BRINP3: variants seen among roughly 807,000 people sequenced by gnomAD.
BRINP3 encodes BMP/retinoic acid-inducible neural-specific protein 3.
Under a neutral mutation model 71.0 loss-of-function variants are expected in BRINP3, and 19 were observed. The ratio of observed to expected loss-of-function variants is 0.27; its 90% CI spans 0.19 to 0.39. The LOEUF (loss-of-function observed/expected upper bound fraction) is 0.39, where lower values mean the gene tolerates loss of function less well. BRINP3 is among the 10% of genes least tolerant of loss of function. The pLI is 1.00. For missense variants in BRINP3, 959 were observed against 940.8 expected (o/e 1.02, Z -0.25); for synonymous variants, 380 against 337.7 (o/e 1.13, Z -1.37).
intron 2 of BRINP3, among the ~76,000 whole-genome samples, chr1:190,369,796 A>T (rs1669743625): frequency 6.6e-6 from 1 of 152,180 alleles, no homozygotes; most frequent in Admixed American, 6.5e-5. Flanking sequence ...CATAATGGTC[A>T]GATCTAAATT....
chr1:190,121,880 G>A (rs1653695502), intron 7 of BRINP3, among the ~76,000 whole-genome samples: 1 of 152,068 alleles, frequency 6.6e-6, no homozygotes, highest in Non-Finnish European at 1.5e-5. Flanking sequence ...AATGCAAGAG[G>A]AATTTTAAAA....
chr1:190,471,777 A>C (rs1312485478), intron 1 of BRINP3, among the ~76,000 whole-genome samples: 1 of 151,496 alleles, frequency 6.6e-6, no homozygotes, highest in Non-Finnish European at 1.5e-5. Context: ...CTATTAAATA[A>C]CAATGAGAAA....
At chr1:190,475,871 G>T (rs1316086054) in intron 1 of BRINP3, 2 of 150,084 alleles carry the variant, frequency 1.3e-5, no homozygotes, top group African/African-American at 2.5e-5. Flanking sequence ...CCACCCTTGC[G>T]CAACAACAGC....
Position 190,258,927 on chromosome 1 carries a change from C to G in BRINP3, c.618+5938G>C, listed in dbSNP as rs1054430122. ...GCCAAAGTTGGAGGATCTCTTAAGC[C>G]CCTTAAGTTCTTGAAACTGAACTCA... On this transcript the variant is annotated intron_variant, in intron 4 of 7. Transcript: ENST00000367462. Among the ~76,000 whole-genome samples the G allele has an allele frequency of 3.9e-5, 6 of 151,914 alleles. No individual in the cohort carries two copies. In the East Asian group the frequency reaches 1.2e-3, roughly 29 times the overall value.
intron 7 of BRINP3, among the ~76,000 whole-genome samples, chr1:190,113,112 T>C (rs548282930): frequency 6.6e-6 from 1 of 152,264 alleles, no homozygotes; most frequent in South Asian, 2.1e-4. Flanking sequence ...TTTGAATATG[T>C]ACAAATATTA....
intron 5 of BRINP3, among the ~76,000 whole-genome samples, chr1:190,233,742 G>C (rs1019877255): frequency 6.6e-6 from 1 of 152,076 alleles, no homozygotes; most frequent in Non-Finnish European, 1.5e-5. Context: ...ACCTGTTCCT[G>C]CCTATAAGAA....
At chr1:190,371,670 T>A (rs528533010) in intron 2 of BRINP3, among the ~76,000 whole-genome samples, 9 of 152,220 alleles carry the variant, frequency 5.9e-5, no homozygotes, top group Non-Finnish European at 1.3e-4. Context: ...TGGTTCCATA[T>A]TAATTTTAGG....
chr1:190,259,996 C>T (rs1364117239), intron 4 of BRINP3, among the ~76,000 whole-genome samples: 1 of 149,432 alleles, frequency 6.7e-6, no homozygotes. Context: ...CCACTGCACT[C>T]CAGCCTGGGC....
At chr1:190,404,130 C>A (rs1672113111) in intron 2 of BRINP3, among the ~76,000 whole-genome samples, 1 of 152,102 alleles carries the variant, frequency 6.6e-6, no homozygotes, top group Admixed American at 6.5e-5. Context: ...GAAAATCATG[C>A]TCTTTAAGTC....
At chr1:190,285,080 G>A (rs148304414) in intron 2 of BRINP3, among the ~76,000 whole-genome samples, 2 of 152,036 alleles carry the variant, frequency 1.3e-5, no homozygotes, top group African/African-American at 4.8e-5. Context: ...GGTTTGTACT[G>A]TCGTGAAATA....
chr1:190,114,198 G>A (rs564511642), intron 7 of BRINP3, among the ~76,000 whole-genome samples: 18 of 152,160 alleles, frequency 1.2e-4, no homozygotes, highest in Admixed American at 8.5e-4. Context: ...TCCTGCTTTC[G>A]CCATGTGGCA....
Position 190,264,122 on chromosome 1 carries a change from T to G in BRINP3, c.618+743A>C, listed in dbSNP as rs1331465921. 2.0e-5 allele frequency among the ~76,000 whole-genome samples: 3 copies of G among 152,198 alleles called. No individual in the cohort carries two copies. In the South Asian group the frequency reaches 6.2e-4, roughly 32 times the overall value. ...GACAAATGAAATTACATTGACCTAA[T>G]TTGCCAGAGAATATGTCTAAAACTT... On this transcript the variant is annotated intron_variant, in intron 4 of 7. Transcript: ENST00000367462.
chr1:190,172,288 T>A (rs1298853863), intron 6 of BRINP3, among the ~76,000 whole-genome samples: 1 of 151,486 alleles, frequency 6.6e-6, no homozygotes, highest in African/African-American at 2.4e-5. Flanking sequence ...AAATATTGGC[T>A]TTTATGTACA....
At chr1:190,362,926 AT>A (rs952311792) in intron 2 of BRINP3, among the ~76,000 whole-genome samples, 10 of 152,250 alleles carry the variant, frequency 6.6e-5, no homozygotes, top group Middle Eastern at 3.4e-3. Context: ...TACAACCTCT[AT>A]TTTTTTAATT....
At chr1:190,176,628 C>T (rs1388558883) in intron 6 of BRINP3, among the ~76,000 whole-genome samples, 1 of 152,146 alleles carries the variant, frequency 6.6e-6, no homozygotes, top group Non-Finnish European at 1.5e-5. Flanking sequence ...AACCCCACTT[C>T]CAGTTATTTT....
rs557575740 is a variant in BRINP3, at chr1:190,219,182, C to T, written c.961+6900G>A. The stretch of plus-strand genomic sequence containing the variant: ...AAACTGGAATTAATAATTAATCCTT[C>T]AATGCAATTCACAGACATTTACCCA... On this transcript the variant is annotated intron_variant, in intron 6 of 7. Transcript: ENST00000367462. Among the ~76,000 whole-genome samples the T allele has an allele frequency of 3.9e-5, 6 of 152,122 alleles. 1 individual carries two copies. In the South Asian group the frequency reaches 1.2e-3, roughly 32 times the overall value.
intron 4 of BRINP3, among the ~76,000 whole-genome samples, chr1:190,252,272 G>A (rs1660218060): frequency 6.6e-6 from 1 of 151,992 alleles, no homozygotes; most frequent in Non-Finnish European, 1.5e-5. Flanking sequence ...TTACACTGAT[G>A]GGATTTCCTA....
chr1:190,266,705 G>A (rs1661693393), intron 3 of BRINP3, among the ~76,000 whole-genome samples: 1 of 152,120 alleles, frequency 6.6e-6, no homozygotes, highest in Non-Finnish European at 1.5e-5. Context: ...CAATGAATCA[G>A]AAAAACTCAT....
At chr1:190,309,904 T>C (rs1023840258) in intron 2 of BRINP3, among the ~76,000 whole-genome samples, 21 of 151,844 alleles carry the variant, frequency 1.4e-4, no homozygotes, top group South Asian at 2.1e-4. Context: ...CTAAAATTAA[T>C]CTAATTTATT....
Sources: gnomAD v4.1 joint callset for allele counts (sites outside exome capture counted in the v4.1 genomes callset) on GRCh38, gnomAD v4.1.1 for gene constraint, MANE v1.5 for transcripts, NCBI Gene and HGNC (gene_info 2026-07-23, HGNC 2026-07-21) for gene names.